Variants in HUNK observed in about 807,000 individuals in gnomAD.
HUNK encodes the protein hormonally up-regulated neu tumor-associated kinase.
A neutral mutation model predicts 61.0 loss-of-function variants in HUNK; 21 were observed. That is an observed-to-expected ratio of 0.34 (90% confidence interval 0.24 to 0.50). The LOEUF is 0.50. Ranked by LOEUF, HUNK falls within the 20% of genes least tolerant of loss-of-function variation. The pLI is 0.98. For synonymous variants in HUNK, 371 were observed against 386.1 expected (o/e 0.96, Z 0.46); for missense variants, 772 against 945.7 (o/e 0.82, Z 2.41).
intron 8 of HUNK, among the ~76,000 whole-genome samples, chr21:31,985,210 G>A (rs1281769211): frequency 1.3e-5 from 2 of 152,166 alleles, no homozygotes; most frequent in East Asian, 1.9e-4. Context: ...TTTGAGAAGG[G>A]ATCAAAAAGG....
intron 7 of HUNK, among the ~76,000 whole-genome samples, chr21:31,975,170 G>A (rs986518449): frequency 1.3e-5 from 2 of 152,110 alleles, no homozygotes; most frequent in Admixed American, 1.3e-4. Context: ...CAGAAAATAA[G>A]AACAAAATTG....
intron 6 of HUNK, among the ~76,000 whole-genome samples, chr21:31,971,107 C>T (rs1209297747): frequency 6.6e-6 from 1 of 151,954 alleles, no homozygotes; most frequent in Non-Finnish European, 1.5e-5. Context: ...GAGACAGAGT[C>T]TTGATCTGTC....
At chr21:31,887,645 C>T (rs369551184) in intron 1 of HUNK, among the ~76,000 whole-genome samples, 47 of 152,296 alleles carry the variant, frequency 3.1e-4, no homozygotes, top group Admixed American at 9.8e-4. Flanking sequence ...TCTTTGTCAC[C>T]GTCGGCTCTT....
At chr21:31,929,234 A>G (rs1448203680) in intron 2 of HUNK, among the ~76,000 whole-genome samples, 1 of 151,728 alleles carries the variant, frequency 6.6e-6, no homozygotes, top group East Asian at 1.9e-4. Flanking sequence ...AATAAATATG[A>G]CAAGTAGGTT....
rs143683385 is a variant in HUNK at position 31,962,376 on chromosome 21, A to G, written c.874+3406A>G. On this transcript the variant is annotated intron_variant, in intron 5 of 10. Transcript: ENST00000270112. ...GAACCATACCTTGTTTTTACTTTCAATAACATCACGCAGTCTTAGCAGGCT... is the reference window on the plus strand; with the variant it reads ...GAACCATACCTTGTTTTTACTTTCAGTAACATCACGCAGTCTTAGCAGGCT... Among the ~76,000 whole-genome samples, 216 of 152,354 alleles carry G rather than the reference A, an allele frequency of 1.4e-3. 1 individual carries two copies. The highest frequency in any genetic ancestry group is 5.0e-3 in the African/African-American group (207 of 41,592).
intron 1 of HUNK, among the ~76,000 whole-genome samples, chr21:31,888,740 C>CAAAACA (rs754771255): frequency 6.7e-6 from 1 of 149,444 alleles, no homozygotes; most frequent in African/African-American, 2.5e-5. Context: ...AACTCCATCT[C>CAAAACA]AAAACAAAAA....
chr21:31,910,842 A>G (rs921765932), intron 1 of HUNK, among the ~76,000 whole-genome samples: 4 of 152,216 alleles, frequency 2.6e-5, no homozygotes, highest in Non-Finnish European at 1.5e-5. Flanking sequence ...TATCCTATAC[A>G]TATCCTCCTG....
intron 1 of HUNK, among the ~76,000 whole-genome samples, chr21:31,888,275 T>A (rs1414826651): frequency 2.0e-5 from 3 of 152,134 alleles, no homozygotes; most frequent in African/African-American, 7.2e-5. Flanking sequence ...AGGTCATGAA[T>A]GAGTGAAGAA....
intron 3 of HUNK, among the ~76,000 whole-genome samples, chr21:31,945,312 G>A (rs1395280688): frequency 1.3e-5 from 2 of 152,096 alleles, no homozygotes; most frequent in Non-Finnish European, 2.9e-5. Flanking sequence ...AAAGTCACTC[G>A]ATGCAGTGGG....
intron 1 of HUNK, among the ~76,000 whole-genome samples, chr21:31,902,441 C>T (rs928508073): frequency 2.6e-5 from 4 of 152,084 alleles, no homozygotes; most frequent in South Asian, 2.1e-4. Flanking sequence ...ACCTGGGAGA[C>T]GGAGGTTGCG....
rs899036922 is a variant in HUNK at position 31,958,897 on chromosome 21, T to A, written c.801T>A (p.Pro267=). 6.2e-7 allele frequency: 1 copy of A among 1,610,796 alleles called. No individual in the cohort carries two copies. The highest frequency in any genetic ancestry group is 1.3e-5 in the African/African-American group (1 of 74,766). ...GGACGCTGCCTTTCACGGTGGAGCC[T>A]TTCAGCCTGAGGGCTTTGTACCAGA... The part of the protein sequence containing the change: ...LTGTLPFTVE[P]FSLRALYQKM... Residue 267 remains proline (P), a synonymous_variant, in exon 5 of 11, where the codon CCT becomes CCA. Transcript: ENST00000270112.
At chr21:31,881,497 C>G (rs890455942) in intron 1 of HUNK, among the ~76,000 whole-genome samples, 1 of 152,008 alleles carries the variant, frequency 6.6e-6, no homozygotes, top group African/African-American at 2.4e-5. Flanking sequence ...AGTGTGTGTT[C>G]CTGTAATCCC....
At chr21:31,885,274 CG>C (rs2052337988) in intron 1 of HUNK, among the ~76,000 whole-genome samples, 3 of 152,172 alleles carry the variant, frequency 2.0e-5, no homozygotes, top group Admixed American at 1.3e-4. Context: ...TACATTAATG[CG>C]TGTGTGTGAC....
chr21:31,992,955 C>T (rs1182689026), intron 9 of HUNK, among the ~76,000 whole-genome samples: 1 of 152,194 alleles, frequency 6.6e-6, no homozygotes, highest in Non-Finnish European at 1.5e-5. Flanking sequence ...TCTCCTTAGA[C>T]ACCAGTTACT....
intron 1 of HUNK, among the ~76,000 whole-genome samples, chr21:31,902,628 T>C (rs1381553388): frequency 6.6e-6 from 1 of 152,040 alleles, no homozygotes; most frequent in African/African-American, 2.4e-5. Flanking sequence ...CAGTTGGAGG[T>C]TTATATGGCT....
At chr21:31,955,458 G>A (rs988186166) in intron 4 of HUNK, among the ~76,000 whole-genome samples, 15 of 151,700 alleles carry the variant, frequency 9.9e-5, no homozygotes, top group Admixed American at 2.0e-4. Context: ...AGGCCTGGTG[G>A]CAGGCGCCTG....
intron 1 of HUNK, among the ~76,000 whole-genome samples, chr21:31,887,252 C>T (rs1042599149): frequency 1.3e-5 from 2 of 152,174 alleles, no homozygotes; most frequent in Admixed American, 6.5e-5. Flanking sequence ...GGGATGTTAA[C>T]GGACCCTCTC....
At chr21:31,963,180 G>A (rs1461952404) in intron 5 of HUNK, among the ~76,000 whole-genome samples, 1 of 152,148 alleles carries the variant, frequency 6.6e-6, no homozygotes, top group African/African-American at 2.4e-5. Flanking sequence ...ATAATCCTTT[G>A]TAGGTGTTTT....
Position 31,999,337 on chromosome 21 carries a change from A to T in HUNK, c.*153A>T. The T allele has an allele frequency of 1.4e-6, 1 of 693,712 alleles. No individual in the cohort carries two copies. Among genetic ancestry groups the T allele is most frequent in the South Asian group, 2.3e-5 (1 of 43,158 alleles). The allele number at this position is 693,712 out of a possible 1,614,324, so 43.0% of individuals were successfully genotyped here. ...ACAGACCCAAAGCCTGCACAACCCAACCTCGCTTAGGGACCCCCAGAGATG... is the reference window on the plus strand; with the variant it reads ...ACAGACCCAAAGCCTGCACAACCCATCCTCGCTTAGGGACCCCCAGAGATG... On this transcript the variant is annotated 3_prime_UTR_variant, in exon 11 of 11. Transcript: ENST00000270112.
Sources: allele counts gnomAD v4.1 joint callset (sites outside exome capture counted in the v4.1 genomes callset), GRCh38; gene constraint gnomAD v4.1.1; transcripts MANE v1.5; gene names NCBI Gene and HGNC (gene_info 2026-07-23, HGNC 2026-07-21).